SEPTIN2: variants seen among roughly 807,000 people sequenced by gnomAD.
SEPTIN2 encodes septin-2.
A neutral mutation model predicts 46.5 loss-of-function variants in SEPTIN2; 34 were observed. The ratio of observed to expected loss-of-function variants is 0.73; its 90% CI spans 0.56 to 0.97. SEPTIN2 has a LOEUF of 0.97. Ranked by LOEUF, SEPTIN2 falls within the 50% of genes least tolerant of loss-of-function variation. The probability of loss-of-function intolerance (pLI) is 0.00; values close to 1 mark genes in which losing one functional copy is unlikely to be tolerated. For missense variants in SEPTIN2, 347 were observed against 448.4 expected (o/e 0.77, Z 2.04); for synonymous variants, 175 against 153.4 (o/e 1.14, Z -1.04).
chr2:241,345,412 G>A (rs2081880316), intron 9 of SEPTIN2, among the ~76,000 whole-genome samples: 1 of 151,664 alleles, frequency 6.6e-6, no homozygotes, highest in Non-Finnish European at 1.5e-5. Flanking sequence ...TGAGGGGGGT[G>A]TAGAGGCTGA....
At chr2:241,331,189 AAAG>A (rs1472564345) in intron 3 of SEPTIN2, among the ~76,000 whole-genome samples, 1 of 152,196 alleles carries the variant, frequency 6.6e-6, no homozygotes, top group African/African-American at 2.4e-5. Flanking sequence ...AAAAAAAACA[AAAG>A]AAAAAAATCA....
At chr2:241,342,177 A>G (rs2081336357) in intron 7 of SEPTIN2, among the ~76,000 whole-genome samples, 1 of 151,728 alleles carries the variant, frequency 6.6e-6, no homozygotes, top group South Asian at 2.1e-4. Context: ...AACCTTTTGA[A>G]TTTCTTATTC....
intron 1 of SEPTIN2, 178 bp downstream of exon 1, chr2:241,316,160 C>T (rs1346725096): frequency 4.3e-6 from 1 of 233,490 alleles, no homozygotes; most frequent in African/African-American, 2.3e-5. Context: ...ATCGTGGGCT[C>T]CCCCGTCCCG....
At chr2:241,334,136 A>G (rs2079506330) in intron 3 of SEPTIN2, among the ~76,000 whole-genome samples, 1 of 152,178 alleles carries the variant, frequency 6.6e-6, no homozygotes, top group South Asian at 2.1e-4. Context: ...GGTCTGCTAA[A>G]GTGCTGGGAT....
Position 241,343,091 on chromosome 2 carries a change from A to T in SEPTIN2, c.694A>T (p.Lys232Ter). 6.4e-7 allele frequency: 1 copy of T among 1,561,404 alleles called. No individual in the cohort carries two copies. Among genetic ancestry groups the T allele is most frequent in the Non-Finnish European group, 8.8e-7 (1 of 1,133,486 alleles). Residue 232 changes from lysine to a stop codon, truncating the protein, a stop_gained and splice_region_variant, in exon 8 of 13, where the codon AAG becomes TAG. Coordinates refer to ENST00000391971, the MANE Select transcript of SEPTIN2 (RefSeq NM_004404.5). LOFTEE classifies it high-confidence loss of function. ...TTTTAAAGAGCAGACTAGACTTCTC[A>T]AGGTAAGAACTGGCTTCAGATCCAC... ...EDFKEQTRLL[K>*]ASIPFSVVGS...
intron 9 of SEPTIN2, among the ~76,000 whole-genome samples, chr2:241,345,043 G>C (rs2081817249): frequency 6.6e-6 from 1 of 151,970 alleles, no homozygotes; most frequent in Non-Finnish European, 1.5e-5. Flanking sequence ...GAACCTGGAG[G>C]TGGAGGTTGC....
intron 3 of SEPTIN2, among the ~76,000 whole-genome samples, chr2:241,326,845 T>G (rs1392978919): frequency 6.6e-6 from 1 of 152,028 alleles, no homozygotes; most frequent in African/African-American, 2.4e-5. Flanking sequence ...TCTTAGCACT[T>G]TGGGAGGCCG....
At chr2:241,331,556 A>G (rs886859321) in intron 3 of SEPTIN2, among the ~76,000 whole-genome samples, 3 of 152,106 alleles carry the variant, frequency 2.0e-5, no homozygotes, top group Admixed American at 1.3e-4. Flanking sequence ...ACGCCCATCT[A>G]ATTTTTGTAT....
rs1044612041 is a variant in SEPTIN2 at position 241,352,104 on chromosome 2, T to C, written c.*167T>C. The C allele has an allele frequency of 1.2e-4, 19 of 152,648 alleles. No individual in the cohort carries two copies. The highest frequency in any genetic ancestry group is 4.1e-4 in the African/African-American group (17 of 41,456). The allele number at this position is 152,648 out of a possible 1,614,324, so 9.5% of individuals were successfully genotyped here. ...TTAATTTTTAAAAGACTTTGATGTG[T>C]TTTTGTATGAAGTACTTTTAACGTA... On this transcript the variant is annotated 3_prime_UTR_variant, in exon 13 of 13. Coordinates refer to ENST00000391971, the MANE Select transcript of SEPTIN2 (RefSeq NM_004404.5).
At chr2:241,316,125 G>A (rs1429372392) in intron 1 of SEPTIN2, 143 bp downstream of exon 1, 1 of 182,702 alleles carries the variant, frequency 5.5e-6, no homozygotes, top group South Asian at 1.7e-4. Flanking sequence ...GGGAGGGGCG[G>A]CCGAGCCCAG....
At chr2:241,339,324 C>T (rs1419790514) in intron 7 of SEPTIN2, among the ~76,000 whole-genome samples, 1 of 149,800 alleles carries the variant, frequency 6.7e-6, no homozygotes, top group Non-Finnish European at 1.5e-5. Flanking sequence ...ACCCAGGAGG[C>T]AGAGGTTGTT....
At position 241,337,300 on chromosome 2, in the gene SEPTIN2, G is replaced by A. The variant is rs746976307; in HGVS notation, c.342-82G>A. 54 of 1,163,636 alleles carry A rather than the reference G, an allele frequency of 4.6e-5. No individual in the cohort carries two copies. In the East Asian group the frequency reaches 8.2e-4, roughly 18 times the overall value. 72.1% of individuals were successfully genotyped at this position (1,163,636 alleles called of 1,614,324 possible). On this transcript the variant is annotated intron_variant, in intron 5 of 12. Coordinates refer to ENST00000391971, the MANE Select transcript of SEPTIN2 (RefSeq NM_004404.5). Reference sequence around the variant, plus strand: ...ATTATTAAATTATGTATATTTGGGCGGAGGCACTTGTTTTCCCTTTGAAGT... The same window carrying A: ...ATTATTAAATTATGTATATTTGGGCAGAGGCACTTGTTTTCCCTTTGAAGT...
At chr2:241,329,593 C>T (rs74856854) in intron 3 of SEPTIN2, among the ~76,000 whole-genome samples, 5,074 of 152,264 alleles carry the variant, frequency 0.033, 510 homozygotes, top group Admixed American at 0.19. Flanking sequence ...TCAGCAAGGC[C>T]ATTTTTACTT....
intron 1 of SEPTIN2, among the ~76,000 whole-genome samples, chr2:241,321,657 C>G (rs796608960): frequency 1.3e-5 from 2 of 151,942 alleles, no homozygotes; most frequent in African/African-American, 4.8e-5. Context: ...ATACTGATAA[C>G]TGATATTCTT....
At chr2:241,333,526 T>C (rs940403205) in intron 3 of SEPTIN2, among the ~76,000 whole-genome samples, 4 of 152,262 alleles carry the variant, frequency 2.6e-5, no homozygotes, top group African/African-American at 9.6e-5. Flanking sequence ...GTTTTGTTTT[T>C]TGAGATGGAG....
intron 1 of SEPTIN2, among the ~76,000 whole-genome samples, chr2:241,322,955 AT>A (rs1559595770): frequency 1.3e-5 from 2 of 152,166 alleles, no homozygotes; most frequent in African/African-American, 4.8e-5. Context: ...CTGAAAAAAA[AT>A]TTGAATATTA....
intron 3 of SEPTIN2, among the ~76,000 whole-genome samples, chr2:241,331,967 A>G (rs2079075769): frequency 6.6e-6 from 1 of 152,206 alleles, no homozygotes; most frequent in Non-Finnish European, 1.5e-5. Context: ...AAGTTGATTC[A>G]GTGGGGGCAA....
chr2:241,325,918 C>G, intron 2 of SEPTIN2, 75 bp from the exon 3 acceptor site: 1 of 1,391,490 alleles, frequency 7.2e-7, no homozygotes, highest in South Asian at 1.4e-5. Context: ...ATGTTTGTTT[C>G]ATGTCTAACT....
chr2:241,339,578 A>C (rs529715333), intron 7 of SEPTIN2, among the ~76,000 whole-genome samples: 1 of 152,282 alleles, frequency 6.6e-6, no homozygotes, highest in South Asian at 2.1e-4. Flanking sequence ...GATGCACAGC[A>C]TTCCACCATA....
Sources: allele counts gnomAD v4.1 joint callset (sites outside exome capture counted in the v4.1 genomes callset), GRCh38; gene constraint gnomAD v4.1.1; transcripts MANE v1.5; gene names NCBI Gene and HGNC (gene_info 2026-07-23, HGNC 2026-07-21).